The following ELAVL2 variants were observed in gnomAD, a reference collection of about 807,000 sequenced individuals.
ELAVL2 encodes the protein ELAV-like protein 2.
Under a neutral mutation model 34.6 loss-of-function variants are expected in ELAVL2, and 4 were observed. The ratio of observed to expected loss-of-function variants is 0.12; its 90% CI spans 0.06 to 0.26. The LOEUF (loss-of-function observed/expected upper bound fraction) is 0.26, where lower values mean the gene tolerates loss of function less well. Among genes scored for constraint, ELAVL2 ranks in the 10% least tolerant of loss-of-function variants. ELAVL2 has a pLI of 1.00. For missense variants in ELAVL2, 432 were observed against 442.8 expected (o/e 0.98, Z 0.22); for synonymous variants, 193 against 154.8 (o/e 1.25, Z -1.83).
At chr9:23,780,576 T>A (rs1055165769) in intron 1 of ELAVL2, among the ~76,000 whole-genome samples, 1 of 152,230 alleles carries the variant, frequency 6.6e-6, no homozygotes, top group Non-Finnish European at 1.5e-5. Context: ...ATAACTATGT[T>A]GGCTTATACC....
chr9:23,810,308 T>C (rs1157370930), intron 1 of ELAVL2, among the ~76,000 whole-genome samples: 3 of 152,048 alleles, frequency 2.0e-5, no homozygotes, highest in African/African-American at 4.8e-5. Flanking sequence ...CACCCAGTCA[T>C]GGACCTAAAA....
At chr9:23,768,122 G>A (rs1045905016) in intron 1 of ELAVL2, among the ~76,000 whole-genome samples, 1 of 152,096 alleles carries the variant, frequency 6.6e-6, no homozygotes, top group Admixed American at 6.5e-5. Flanking sequence ...CCCTCCCACA[G>A]CTCCCTGCTG....
At chr9:23,707,783 C>A (rs2039791821) in intron 3 of ELAVL2, among the ~76,000 whole-genome samples, 1 of 152,152 alleles carries the variant, frequency 6.6e-6, no homozygotes, top group East Asian at 1.9e-4. Flanking sequence ...AGAGCCTAAT[C>A]TATGTGACAT....
At chr9:23,777,801 G>C (rs778920499) in intron 1 of ELAVL2, among the ~76,000 whole-genome samples, 3 of 152,134 alleles carry the variant, frequency 2.0e-5, no homozygotes, top group Non-Finnish European at 4.4e-5. Flanking sequence ...GTAACTTCTT[G>C]CTCTAACTGG....
intron 1 of ELAVL2, among the ~76,000 whole-genome samples, chr9:23,800,215 A>G (rs2061419406): frequency 6.6e-6 from 1 of 152,194 alleles, no homozygotes; most frequent in Non-Finnish European, 1.5e-5. Flanking sequence ...CAGACATCGA[A>G]GGCTTGGATA....
chr9:23,713,184 A>G lies in ELAVL2; in HGVS notation c.334-8113T>C, dbSNP rs537912243. Among the ~76,000 whole-genome samples the G allele has an allele frequency of 2.0e-5, 3 of 152,322 alleles. No individual in the cohort carries two copies. The East Asian group carries it at 5.8e-4, about 29-fold the overall frequency. On this transcript the variant is annotated intron_variant, in intron 3 of 6. Transcript: ENST00000397312. ...TTGGTTCTAGTATGAAGTTGGTTCAACAAGGACATCTCATACTGGTAAAGG... is the reference window on the plus strand; with the variant it reads ...TTGGTTCTAGTATGAAGTTGGTTCAGCAAGGACATCTCATACTGGTAAAGG...
intron 1 of ELAVL2, among the ~76,000 whole-genome samples, chr9:23,792,803 C>T (rs1011831585): frequency 1.3e-5 from 2 of 152,026 alleles, no homozygotes; most frequent in African/African-American, 4.8e-5. Context: ...CAAGTTCTTA[C>T]TCTGTCGCCC....
chr9:23,823,181 G>T (rs1588869628), intron 1 of ELAVL2, among the ~76,000 whole-genome samples: 1 of 152,200 alleles, frequency 6.6e-6, no homozygotes, highest in African/African-American at 2.4e-5. Flanking sequence ...CTTTGTGTGG[G>T]TTCCTGGGAA....
chr9:23,756,984 TC>T (rs1254953552), intron 2 of ELAVL2, among the ~76,000 whole-genome samples: 2 of 152,108 alleles, frequency 1.3e-5, no homozygotes, highest in Admixed American at 1.3e-4. Context: ...TGAGACACAG[TC>T]TGATTCCCAA....
chr9:23,807,800 T>C (rs2062432487), intron 1 of ELAVL2, among the ~76,000 whole-genome samples: 2 of 152,156 alleles, frequency 1.3e-5, no homozygotes, highest in South Asian at 4.1e-4. Flanking sequence ...ATTAATACAT[T>C]AGAAAGTGTT....
chr9:23,806,797 G>T (rs771505242), intron 1 of ELAVL2, among the ~76,000 whole-genome samples: 1 of 152,064 alleles, frequency 6.6e-6, no homozygotes, highest in Admixed American at 6.6e-5. Context: ...AAAGGCAATG[G>T]GAAGTTGTTA....
the ELAVL2 span, among the ~76,000 whole-genome samples, chr9:23,850,581 A>C: frequency 1.4e-3 from 210 of 148,698 alleles, no homozygotes; most frequent in Admixed American, 5.3e-3. Context: ...TGACAGCGCT[A>C]CCTCTTTGTA....
At chr9:23,794,721 G>A (rs2060709382) in intron 1 of ELAVL2, among the ~76,000 whole-genome samples, 1 of 152,102 alleles carries the variant, frequency 6.6e-6, no homozygotes, top group Non-Finnish European at 1.5e-5. Context: ...TTTGTGTGGG[G>A]AAACCAGTCT....
chr9:23,714,500 G>C (rs2041814412), intron 3 of ELAVL2, among the ~76,000 whole-genome samples: 1 of 152,204 alleles, frequency 6.6e-6, no homozygotes, highest in African/African-American at 2.4e-5. Context: ...CTGACATACA[G>C]AGAGCAAACA....
chr9:23,839,133 G>T, the ELAVL2 span, among the ~76,000 whole-genome samples: 1 of 151,992 alleles, frequency 6.6e-6, no homozygotes, highest in Admixed American at 6.6e-5. Context: ...TATGACATTG[G>T]TAGAACTGGA....
chr9:23,756,644 C>T (rs1413698647), intron 2 of ELAVL2, among the ~76,000 whole-genome samples: 2 of 152,152 alleles, frequency 1.3e-5, no homozygotes, highest in East Asian at 3.9e-4. Context: ...GTAAACTCAA[C>T]ATGTCTAGTT....
At chr9:23,847,595 T>G in the ELAVL2 span, among the ~76,000 whole-genome samples, 2 of 152,090 alleles carry the variant, frequency 1.3e-5, no homozygotes, top group African/African-American at 4.8e-5. Flanking sequence ...ATAACATAAA[T>G]AGAACACTTA....
intron 2 of ELAVL2, among the ~76,000 whole-genome samples, chr9:23,748,187 G>A (rs2050982604): frequency 6.6e-6 from 1 of 150,982 alleles, no homozygotes; most frequent in Admixed American, 6.6e-5. Flanking sequence ...GGGGGAAAGA[G>A]TACTAGGGAA....
chr9:23,775,890 G>A (rs1450188554), intron 1 of ELAVL2, among the ~76,000 whole-genome samples: 2 of 152,158 alleles, frequency 1.3e-5, no homozygotes, highest in Admixed American at 6.5e-5. Flanking sequence ...AAACCTCGAG[G>A]AAGCCTTCTG....
Sources: gnomAD v4.1 joint callset for allele counts (sites outside exome capture counted in the v4.1 genomes callset) on GRCh38, gnomAD v4.1.1 for gene constraint, MANE v1.5 for transcripts, NCBI Gene and HGNC (gene_info 2026-07-23, HGNC 2026-07-21) for gene names.